Variants in PARP16 observed in about 807,000 individuals in gnomAD.
The protein encoded by PARP16 is poly(ADP-ribose) polymerase family member 16, also known as protein mono-ADP-ribosyltransferase PARP16.
A neutral mutation model predicts 35.0 loss-of-function variants in PARP16; 31 were observed. That is an observed-to-expected ratio of 0.88 (90% CI 0.66 to 1.19). The LOEUF (loss-of-function observed/expected upper bound fraction) is 1.19. Among genes scored for constraint, PARP16 ranks in the 50% most tolerant of loss-of-function variants. PARP16 has a pLI of 0.00. For synonymous variants in PARP16, 162 were observed against 169.5 expected (o/e 0.96, Z 0.34); for missense variants, 424 against 411.2 (o/e 1.03, Z -0.27).
At position 65,238,354 on chromosome 15, in the gene PARP16, G is replaced by T. The variant is rs552149675; in HGVS notation, c.*98-3531C>A. Among the ~76,000 whole-genome samples, 4 of 152,218 alleles carry T rather than the reference G, an allele frequency of 2.6e-5. No homozygotes were observed. In the South Asian group the frequency reaches 8.3e-4, roughly 32 times the overall value. On this transcript the variant is annotated intron_variant and NMD_transcript_variant, in intron 3 of 3. Transcript: ENST00000559805. Reference sequence around the variant, plus strand: ...TCTCCATCCAGACCCTTCTCCTGGAGCCCAGGCATCCCCAGAGGTAGATGA... The same window carrying T: ...TCTCCATCCAGACCCTTCTCCTGGATCCCAGGCATCCCCAGAGGTAGATGA...
At chr15:65,245,536 G>A (rs911440258) in intron 3 of PARP16, among the ~76,000 whole-genome samples, 3 of 152,198 alleles carry the variant, frequency 2.0e-5, no homozygotes, top group African/African-American at 7.2e-5. Context: ...CATGGATGTG[G>A]CTAGAGTCCC....
chr15:65,269,945 T>C (rs1232138039), intron 2 of PARP16, among the ~76,000 whole-genome samples: 2 of 152,144 alleles, frequency 1.3e-5, no homozygotes, highest in Non-Finnish European at 2.9e-5. Context: ...AGAGATTCAC[T>C]AGGAATTAGC....
intron 2 of PARP16, among the ~76,000 whole-genome samples, chr15:65,270,453 C>A (rs775744114): frequency 2.6e-5 from 4 of 152,172 alleles, no homozygotes; most frequent in Non-Finnish European, 5.9e-5. Flanking sequence ...CTCTCCATCT[C>A]CTGATAACTG....
At chr15:65,253,092 C>T (rs2089401297) in intron 2 of PARP16, among the ~76,000 whole-genome samples, 1 of 150,496 alleles carries the variant, frequency 6.6e-6, no homozygotes, top group South Asian at 2.1e-4. Flanking sequence ...GAGATTGCAC[C>T]ACTGCACCTC....
chr15:65,277,824 A>G (rs549405243), intron 1 of PARP16, among the ~76,000 whole-genome samples: 3 of 152,222 alleles, frequency 2.0e-5, no homozygotes, highest in Admixed American at 2.0e-4. Flanking sequence ...CCCAATCCCA[A>G]AATAATACAA....
rs1422648589 is a variant in PARP16, at chr15:65,269,227, T to C, written c.312+1708A>G. Among the ~76,000 whole-genome samples, 4 of 142,082 alleles carry C rather than the reference T, an allele frequency of 2.8e-5. No homozygotes were observed. In the Admixed American group the frequency reaches 2.9e-4, roughly 10 times the overall value. 93.2% of individuals were successfully genotyped at this position (142,082 alleles called of 152,430 possible). A position where few individuals can be genotyped will look rare whatever the true frequency, so the allele number is the denominator to read the frequency against. ...TTCTTTTTTTTTTGAGATACAGTCTTGCACTGTTGCCCCGGCTGGAGTGCA... is the reference window on the plus strand; with the variant it reads ...TTCTTTTTTTTTTGAGATACAGTCTCGCACTGTTGCCCCGGCTGGAGTGCA... On this transcript the variant is annotated intron_variant, in intron 2 of 5. Coordinates refer to ENST00000649807, the MANE Select transcript of PARP16 (RefSeq NM_001316943.2).
intron 5 of PARP16, among the ~76,000 whole-genome samples, chr15:65,260,202 A>T (rs886246151): frequency 3.3e-5 from 5 of 152,054 alleles, no homozygotes; most frequent in African/African-American, 9.7e-5. Flanking sequence ...AGGAGTGGGG[A>T]TTATTTAAAG....
intron 1 of PARP16, among the ~76,000 whole-genome samples, chr15:65,285,144 T>G (rs1244034931): frequency 1.3e-5 from 2 of 151,406 alleles, no homozygotes; most frequent in Non-Finnish European, 2.9e-5. Flanking sequence ...CTCCAGGTTT[T>G]TTTTTTTTTT....
At chr15:65,233,631 G>T (rs775093453), downstream of PARP16, among the ~76,000 whole-genome samples, 82 of 151,930 alleles carry the variant, frequency 5.4e-4, no homozygotes, top group Non-Finnish European at 9.0e-4. Context: ...AGCTACTCAG[G>T]TGGCTGAGGC....
At chr15:65,262,106 G>C (rs2089742581) in intron 4 of PARP16, among the ~76,000 whole-genome samples, 1 of 151,454 alleles carries the variant, frequency 6.6e-6, no homozygotes, top group Non-Finnish European at 1.5e-5. Context: ...AATTCTCTTG[G>C]AACCAACAAG....
At chr15:65,276,074 A>C (rs1457380234) in intron 1 of PARP16, among the ~76,000 whole-genome samples, 1 of 151,976 alleles carries the variant, frequency 6.6e-6, no homozygotes, top group African/African-American at 2.4e-5. Flanking sequence ...CGGCCCTCCT[A>C]CTGCATCTGC....
chr15:65,249,573 C>G (rs2089299056), intron 2 of PARP16, among the ~76,000 whole-genome samples: 1 of 152,220 alleles, frequency 6.6e-6, no homozygotes, highest in African/African-American at 2.4e-5. Flanking sequence ...GGGCTGCAGC[C>G]CCACCCAGCC....
At chr15:65,256,142 GCCT>G (rs1421164902), downstream of PARP16, among the ~76,000 whole-genome samples, 2 of 152,042 alleles carry the variant, frequency 1.3e-5, no homozygotes, top group African/African-American at 2.4e-5. Flanking sequence ...TATCTCAGTC[GCCT>G]CCTATTTCTC....
intron 2 of PARP16, among the ~76,000 whole-genome samples, chr15:65,252,006 C>G (rs1377677363): frequency 6.6e-6 from 1 of 152,036 alleles, no homozygotes; most frequent in African/African-American, 2.4e-5. Context: ...CCTCGTGATC[C>G]ACCCGCCTCG....
At chr15:65,234,874 G>C (rs968192127) in intron 3 of PARP16, 1 of 152,394 alleles carries the variant, frequency 6.6e-6, no homozygotes, top group Admixed American at 6.6e-5. Context: ...AAAGGGGCCG[G>C]GCACAGTGGC....
downstream of PARP16, among the ~76,000 whole-genome samples, chr15:65,232,907 A>G (rs1567004481): frequency 1.4e-4 from 1 of 6,912 alleles, no homozygotes; most frequent in Non-Finnish European, 2.4e-3. Flanking sequence ...AAAACAAAAC[A>G]AAACAAAACA....
rs58938798 is a variant in PARP16 at position 65,269,176 on chromosome 15, TTTTCTTTC to T, written c.312+1751_312+1758del. 9.2e-4 allele frequency among the ~76,000 whole-genome samples: 134 copies of T among 146,154 alleles called. 4 individuals carry two copies. The highest frequency in any genetic ancestry group is 2.6e-3 in the African/African-American group (104 of 39,300). On this transcript the variant is annotated intron_variant, in intron 2 of 5. Transcript: ENST00000649807. The stretch of plus-strand genomic sequence containing the variant: ...ACACCTGGCCCATTTTAGTCGGTTT[TTTTCTTTC>T]TTTCTTTCTTTCTTTCTTTCTTTTT...
At chr15:65,254,764 T>G (rs2089455186), downstream of PARP16, among the ~76,000 whole-genome samples, 1 of 152,184 alleles carries the variant, frequency 6.6e-6, no homozygotes, top group Admixed American at 6.5e-5. Flanking sequence ...GAAAAATGTC[T>G]GAATTGGGCT....
rs898739928 is a variant in PARP16 at position 65,258,347 on chromosome 15, C to G, written c.*1060G>C. ...AGAAGGCTTTTCCTACACATTAAAG[C>G]CCAGGCTGAGTCTCAAAGACCTGTG... On this transcript the variant is annotated 3_prime_UTR_variant, in exon 6 of 6. Coordinates refer to ENST00000649807, the MANE Select transcript of PARP16 (RefSeq NM_001316943.2). 5.9e-5 allele frequency: 9 copies of G among 152,250 alleles called. No individual in the cohort carries two copies. The highest frequency in any genetic ancestry group is 2.2e-4 in the African/African-American group (9 of 41,458). The allele number at this position is 152,250 out of a possible 1,614,324, so 9.4% of individuals were successfully genotyped here.
Sources: allele counts gnomAD v4.1 joint callset (sites outside exome capture counted in the v4.1 genomes callset), GRCh38; gene constraint gnomAD v4.1.1; transcripts MANE v1.5; gene names NCBI Gene and HGNC (gene_info 2026-07-23, HGNC 2026-07-21).